AKAP10: variants seen among roughly 807,000 people sequenced by gnomAD.
The protein encoded by AKAP10 is A-kinase anchor protein 10, mitochondrial.
In AKAP10, 24 loss-of-function variants were observed where a neutral mutation model predicts 80.8. The ratio of observed to expected loss-of-function variants is 0.30; its 90% CI spans 0.22 to 0.42. AKAP10 has a LOEUF of 0.42. Among genes scored for constraint, AKAP10 ranks in the 10% least tolerant of loss-of-function variants. The probability of loss-of-function intolerance (pLI) is 1.00; values close to 1 mark genes in which losing one functional copy is unlikely to be tolerated. For missense variants in AKAP10, 661 were observed against 794.9 expected (o/e 0.83, Z 2.03); for synonymous variants, 291 against 277.7 (o/e 1.05, Z -0.48).
rs1229898243 is a variant in AKAP10 at position 19,939,710 on chromosome 17, C to T, written c.1322+3G>A. Reference sequence around the variant, plus strand: ...GCTGAATCCATCTATCAATATAACTCACTTGTCATATAAAATCATGGCATC... The same window carrying T: ...GCTGAATCCATCTATCAATATAACTTACTTGTCATATAAAATCATGGCATC... On this transcript the variant is annotated splice_donor_region_variant and intron_variant, in intron 8 of 14. Transcript: ENST00000225737. The T allele has an allele frequency of 6.2e-7, 1 of 1,612,178 alleles. No homozygotes were observed. Among genetic ancestry groups the T allele is most frequent in the South Asian group, 1.1e-5 (1 of 90,674 alleles).
chr17:19,948,774 T>TG (rs1272665310), intron 4 of AKAP10, among the ~76,000 whole-genome samples: 3 of 152,126 alleles, frequency 2.0e-5, no homozygotes, highest in Non-Finnish European at 4.4e-5. Context: ...TGCATGGCCC[T>TG]GCTTCTAAAA....
intron 1 of AKAP10, 125 bp downstream of exon 1, chr17:19,977,467 C>T: frequency 1.4e-6 from 1 of 707,220 alleles, no homozygotes; most frequent in Non-Finnish European, 2.0e-6. Context: ...CAGGGGGCAT[C>T]TGCGCCGAGG....
chr17:19,946,183 C>CT (rs1567765027), intron 5 of AKAP10, among the ~76,000 whole-genome samples: 12 of 79,968 alleles, frequency 1.5e-4, no homozygotes, highest in East Asian at 3.5e-4. Context: ...ACTATATATG[C>CT]ATATATACTA....
chr17:19,976,179 T>C (rs2043563642), intron 1 of AKAP10, among the ~76,000 whole-genome samples: 1 of 152,186 alleles, frequency 6.6e-6, no homozygotes, highest in Non-Finnish European at 1.5e-5. Context: ...CGATTTTGTT[T>C]AGTGCTTTTT....
intron 12 of AKAP10, 116 bp from the exon 13 acceptor site, chr17:19,910,094 G>A (rs964237175): frequency 1.2e-5 from 11 of 908,678 alleles, no homozygotes; most frequent in African/African-American, 5.0e-5. Flanking sequence ...TTGGGAGGCC[G>A]AGGTGGGTGA....
chr17:19,912,176 A>G (rs577690158), intron 12 of AKAP10, among the ~76,000 whole-genome samples: 1 of 152,270 alleles, frequency 6.6e-6, no homozygotes, highest in East Asian at 1.9e-4. Flanking sequence ...GCACTTTGGG[A>G]GGCTGGGGCG....
intron 11 of AKAP10, among the ~76,000 whole-genome samples, chr17:19,923,344 G>A (rs1193077882): frequency 6.6e-6 from 1 of 151,506 alleles, no homozygotes; most frequent in African/African-American, 2.4e-5. Flanking sequence ...TCCCAAAGTG[G>A]TGGGATTACA....
intron 5 of AKAP10, among the ~76,000 whole-genome samples, chr17:19,942,428 T>C (rs2043059569): frequency 6.6e-6 from 1 of 152,182 alleles, no homozygotes. Flanking sequence ...TAATAATATG[T>C]ATACTTGAGC....
chr17:19,963,012 G>A lies in AKAP10; in HGVS notation c.147C>T (p.Ser49=), dbSNP rs1424853477. The change falls in exon 3 of 15, where the codon TCC becomes TCT. Residue 49 remains serine, a synonymous_variant. Transcript: ENST00000225737. ...SDVKSIKASI[S]VHSPQKSTKN... ...TAGTGCTTTTTTGTGGGGAATGTAC[G>A]GATATTGAAGCTATAATTTTTCAAA... 6 of 1,600,578 alleles carry A rather than the reference G, an allele frequency of 3.7e-6. No individual in the cohort carries two copies. The highest frequency in any genetic ancestry group is 1.3e-5 in the African/African-American group (1 of 74,482).
At chr17:19,954,600 T>C (rs1179989433) in intron 4 of AKAP10, among the ~76,000 whole-genome samples, 1 of 150,640 alleles carries the variant, frequency 6.6e-6, no homozygotes, top group East Asian at 1.9e-4. Flanking sequence ...TTCTCCTGCC[T>C]CAACCTCTCA....
chr17:19,911,405 T>C (rs1350446693), intron 12 of AKAP10, among the ~76,000 whole-genome samples: 1 of 152,178 alleles, frequency 6.6e-6, no homozygotes, highest in African/African-American at 2.4e-5. Context: ...TACCACTACC[T>C]AACTTTGAAT....
chr17:19,973,941 T>C (rs1180702051), intron 1 of AKAP10, among the ~76,000 whole-genome samples: 1 of 152,238 alleles, frequency 6.6e-6, no homozygotes, highest in Non-Finnish European at 1.5e-5. Context: ...CGGTGGCTCA[T>C]GCCTGTAATC....
intron 7 of AKAP10, among the ~76,000 whole-genome samples, chr17:19,940,453 T>C (rs2043040134): frequency 6.6e-6 from 1 of 152,220 alleles, no homozygotes. Flanking sequence ...AAAAGATTAA[T>C]ATACTCATTG....
intron 10 of AKAP10, among the ~76,000 whole-genome samples, chr17:19,927,861 G>C (rs1441852477): frequency 6.6e-6 from 1 of 151,660 alleles, no homozygotes; most frequent in Non-Finnish European, 1.5e-5. Context: ...AGTGAGCCAA[G>C]ATTGTGCCAT....
intron 8 of AKAP10, among the ~76,000 whole-genome samples, chr17:19,938,948 TCTCAAATTCCTGGG>T (rs2043023760): frequency 6.6e-6 from 1 of 152,096 alleles, no homozygotes; most frequent in Non-Finnish European, 1.5e-5. Context: ...CCCAGGCTGG[TCTCAAATTCCTGGG>T]CTCAAGCGAT....
At chr17:19,909,577 A>G (rs1272536703) in intron 13 of AKAP10, among the ~76,000 whole-genome samples, 1 of 152,216 alleles carries the variant, frequency 6.6e-6, no homozygotes, top group African/African-American at 2.4e-5. Flanking sequence ...ATTAACTATT[A>G]AAAAAGCAAG....
At chr17:19,963,158 C>A in intron 2 of AKAP10, 136 bp from the exon 3 acceptor site, 11 of 546,288 alleles carry the variant, frequency 2.0e-5, no homozygotes, top group Non-Finnish European at 2.9e-5. Flanking sequence ...GCAAAAAATA[C>A]TTAAGAGGAA....
Position 19,958,561 on chromosome 17 carries a change from A to G in AKAP10, c.330T>C (p.Cys110=), listed in dbSNP as rs746232196. Residue 110 remains cysteine, a synonymous_variant, in exon 4 of 15, where the codon TGT becomes TGC. Coordinates refer to ENST00000225737, the MANE Select transcript of AKAP10 (RefSeq NM_007202.4). ...TGGTCTCTTGAGTCTGGTAGTCCAGACAAGATCTGCCTAAAAGATAGAAGC... is the reference window on the plus strand; with the variant it reads ...TGGTCTCTTGAGTCTGGTAGTCCAGGCAAGATCTGCCTAAAAGATAGAAGC... The part of the protein sequence containing the change: ...AAHFGDLGRS[C]LDYQTQETKS... 1 of 1,596,908 alleles carries G rather than the reference A, an allele frequency of 6.3e-7. No individual in the cohort carries two copies. The highest frequency in any genetic ancestry group is 8.5e-7 in the Non-Finnish European group (1 of 1,176,276).
chr17:19,976,492 CAAAA>C (rs959626069), intron 1 of AKAP10, among the ~76,000 whole-genome samples: 1 of 149,974 alleles, frequency 6.7e-6, no homozygotes, highest in African/African-American at 2.4e-5. Flanking sequence ...CGTCTCAAAA[CAAAA>C]AAAGAAAACA....
Sources: gnomAD v4.1 joint callset for allele counts (sites outside exome capture counted in the v4.1 genomes callset) on GRCh38, gnomAD v4.1.1 for gene constraint, MANE v1.5 for transcripts, NCBI Gene and HGNC (gene_info 2026-07-23, HGNC 2026-07-21) for gene names.